The following RAB7A variants were observed in gnomAD, a reference collection of about 807,000 sequenced individuals.
RAB7A encodes RAB7A, member RAS oncogene family, also known as ras-related protein Rab-7a.
A neutral mutation model predicts 24.5 loss-of-function variants in RAB7A; 2 were observed. The observed-to-expected ratio is 0.08, with a 90% CI of 0.03 to 0.26. RAB7A has a LOEUF of 0.26. RAB7A is among the 10% of genes least tolerant of loss of function. RAB7A has a pLI of 1.00. For missense variants in RAB7A, 118 were observed against 255.7 expected, an observed-to-expected ratio of 0.46 and a Z score of 3.67; for synonymous variants, 100 against 95.9, an observed-to-expected ratio of 1.04 and a Z score of -0.25.
Position 128,779,878 on chromosome 3 carries a change from C to T in RAB7A, c.-8-15482C>T, listed in dbSNP as rs78098329. 8.5e-3 allele frequency among the ~76,000 whole-genome samples: 1,300 copies of T among 152,324 alleles called. 21 individuals carry two copies. Among genetic ancestry groups the T allele is most frequent in the African/African-American group, 0.03 (1,252 of 41,568 alleles). On this transcript the variant is annotated intron_variant, in intron 1 of 5. Transcript: ENST00000265062. ...TGCCCAGCTGAGAAAGAGGTTTAAT[C>T]ATAGGGCCACCTCATGAGGAGATAG...
At chr3:128,809,632 C>A (rs1174599061) in intron 5 of RAB7A, among the ~76,000 whole-genome samples, 1 of 152,158 alleles carries the variant, frequency 6.6e-6, no homozygotes. Context: ...TTTTAAGTTT[C>A]TATGTTTCCT....
At chr3:128,729,564 CT>C (rs2070413766) in intron 1 of RAB7A, among the ~76,000 whole-genome samples, 3 of 122,902 alleles carry the variant, frequency 2.4e-5, no homozygotes, top group African/African-American at 1.1e-4. Context: ...AGCGAGACTT[CT>C]TCTCAAAAAA....
chr3:128,796,014 G>A, intron 2 of RAB7A, among the ~76,000 whole-genome samples: 1 of 151,990 alleles, frequency 6.6e-6, no homozygotes, highest in East Asian at 1.9e-4. Context: ...GCCTCCCAAA[G>A]TGCTGGGATT....
At chr3:128,802,645 C>G (rs1001154821) in intron 3 of RAB7A, among the ~76,000 whole-genome samples, 2 of 149,242 alleles carry the variant, frequency 1.3e-5, no homozygotes, top group Admixed American at 6.7e-5. Context: ...GTAGCTGGGA[C>G]TACAGGTGTG....
chr3:128,749,345 T>C (rs2070652950), intron 1 of RAB7A: 2 of 152,158 alleles, frequency 1.3e-5, no homozygotes, highest in African/African-American at 4.8e-5. Context: ...ATATATACTT[T>C]GGTATAGTCT....
intron 1 of RAB7A, among the ~76,000 whole-genome samples, chr3:128,770,380 G>A (rs1286957562): frequency 6.6e-6 from 1 of 152,158 alleles, no homozygotes; most frequent in Non-Finnish European, 1.5e-5. Flanking sequence ...AGTCTCTTGA[G>A]GCCTAGTACA....
At chr3:128,794,905 T>C (rs765686069) in intron 1 of RAB7A, among the ~76,000 whole-genome samples, 2 of 151,836 alleles carry the variant, frequency 1.3e-5, no homozygotes, top group African/African-American at 2.4e-5. Context: ...AAATGTCAAT[T>C]AGTGGTAAGT....
intron 1 of RAB7A, among the ~76,000 whole-genome samples, chr3:128,788,683 G>A (rs147467777): frequency 1.4e-4 from 21 of 152,208 alleles, no homozygotes; most frequent in Admixed American, 3.9e-4. Context: ...TCAGACTTTC[G>A]AATTGCTAAC....
Position 128,813,654 on chromosome 3 carries a change from G to C in RAB7A, c.*232G>C, listed in dbSNP as rs561760979. The C allele has an allele frequency of 1.5e-4, 85 of 564,502 alleles. No homozygotes were observed. The highest frequency in any genetic ancestry group is 2.6e-4 in the Non-Finnish European group (79 of 304,832). The allele number at this position is 564,502 out of a possible 1,614,324, so 35.0% of individuals were successfully genotyped here. On this transcript the variant is annotated 3_prime_UTR_variant, in exon 6 of 6. Coordinates refer to ENST00000265062, the MANE Select transcript of RAB7A (RefSeq NM_004637.6). ...TAATCAAACTCCAGCCCTTGCCCGTGATGGCTCCTTGGGGTCTGCCTGCCC... is the reference window on the plus strand; with the variant it reads ...TAATCAAACTCCAGCCCTTGCCCGTCATGGCTCCTTGGGGTCTGCCTGCCC...
At chr3:128,810,142 G>A (rs1303168293) in intron 5 of RAB7A, among the ~76,000 whole-genome samples, 2 of 151,118 alleles carry the variant, frequency 1.3e-5, no homozygotes, top group Non-Finnish European at 3.0e-5. Context: ...GTAAAGATAG[G>A]GTTTCACCAT....
At chr3:128,730,316 A>G (rs13089893) in intron 1 of RAB7A, among the ~76,000 whole-genome samples, 41,020 of 151,326 alleles carry the variant, frequency 0.27, 7,003 homozygotes, top group African/African-American at 0.48. Context: ...TGCAAGCTCC[A>G]CCTTCCAGAT....
intron 1 of RAB7A, among the ~76,000 whole-genome samples, chr3:128,730,251 A>G (rs911172699): frequency 2.5e-4 from 38 of 150,152 alleles, no homozygotes; most frequent in Middle Eastern, 3.4e-3. Context: ...TTTTTTTTAG[A>G]CGGAATCTTG....
intron 1 of RAB7A, among the ~76,000 whole-genome samples, chr3:128,754,693 G>A (rs2070714566): frequency 1.3e-5 from 2 of 152,172 alleles, no homozygotes; most frequent in African/African-American, 2.4e-5. Context: ...AAAATTTAAT[G>A]TGACAGGATG....
chr3:128,796,038 A>G (rs1380312962), intron 2 of RAB7A, among the ~76,000 whole-genome samples: 1 of 151,982 alleles, frequency 6.6e-6, no homozygotes, highest in Non-Finnish European at 1.5e-5. Flanking sequence ...GGCGTGAGCC[A>G]CCGCGCCCGA....
intron 1 of RAB7A, among the ~76,000 whole-genome samples, chr3:128,737,860 GAGAT>G (rs2070508066): frequency 3.4e-5 from 2 of 59,544 alleles, no homozygotes; most frequent in East Asian, 9.2e-4. Flanking sequence ...TTTTTTTTAA[GAGAT>G]AGAGTTTCAC....
chr3:128,733,694 C>T (rs1475584038), intron 1 of RAB7A, among the ~76,000 whole-genome samples: 3 of 152,094 alleles, frequency 2.0e-5, no homozygotes, highest in African/African-American at 4.8e-5. Context: ...GGACACCAGT[C>T]GTATTGGATT....
At position 128,813,736 on chromosome 3, in the gene RAB7A, G is replaced by T. The variant is rs1052023353; in HGVS notation, c.*314G>T. 4.5e-5 allele frequency: 19 copies of T among 422,182 alleles called. No individual in the cohort carries two copies. The highest frequency in any genetic ancestry group is 7.6e-5 in the Non-Finnish European group (17 of 222,584). 26.2% of individuals were successfully genotyped at this position (422,182 alleles called of 1,614,324 possible). A position where few individuals can be genotyped will look rare whatever the true frequency, so the allele number is the denominator to read the frequency against. On this transcript the variant is annotated 3_prime_UTR_variant, in exon 6 of 6. Coordinates refer to ENST00000265062, the MANE Select transcript of RAB7A (RefSeq NM_004637.6). ...ACAAGCCAGCGGTGGAAGTCATTCT[G>T]ATATGGAGTTGGCATTGGAAGCTTA...
At chr3:128,750,685 A>G (rs2070672169) in intron 1 of RAB7A, among the ~76,000 whole-genome samples, 1 of 152,242 alleles carries the variant, frequency 6.6e-6, no homozygotes. Flanking sequence ...ACATTGAAAT[A>G]GAAAGTAAAA....
At chr3:128,768,599 C>T (rs72988991) in intron 1 of RAB7A, among the ~76,000 whole-genome samples, 23 of 152,158 alleles carry the variant, frequency 1.5e-4, no homozygotes, top group African/African-American at 1.7e-4. Flanking sequence ...CATTCTGTTG[C>T]GCAGGCTGGA....
Sources: allele counts gnomAD v4.1 joint callset (sites outside exome capture counted in the v4.1 genomes callset), GRCh38; gene constraint gnomAD v4.1.1; transcripts MANE v1.5; gene names NCBI Gene and HGNC (gene_info 2026-07-23, HGNC 2026-07-21).